The following NFASC variants were observed in gnomAD, a reference collection of about 807,000 sequenced individuals.
The protein encoded by NFASC is neurofascin homolog.
NFASC carries 43 observed loss-of-function variants against 147.5 expected under a neutral mutation model. That is an observed-to-expected ratio of 0.29 (90% CI 0.23 to 0.38). The LOEUF is 0.38. NFASC is among the 10% of genes least tolerant of loss of function. The probability of loss-of-function intolerance (pLI) is 1.00; values close to 1 mark genes in which losing one functional copy is unlikely to be tolerated. For synonymous variants in NFASC, 622 were observed against 665.5 expected, an observed-to-expected ratio of 0.93 and a Z score of 1.01; for missense variants, 1,320 against 1,689.0, an observed-to-expected ratio of 0.78 and a Z score of 3.83.
intron 1 of NFASC, among the ~76,000 whole-genome samples, chr1:204,833,002 T>C (rs1672673624): frequency 6.6e-6 from 1 of 152,252 alleles, no homozygotes; most frequent in Non-Finnish European, 1.5e-5. Context: ...GCATATGGCC[T>C]GGTCCCTGGA....
chr1:204,866,018 T>C (rs1024998099), intron 1 of NFASC, among the ~76,000 whole-genome samples: 1 of 152,220 alleles, frequency 6.6e-6, no homozygotes, highest in African/African-American at 2.4e-5. Flanking sequence ...TCTGGTAGAC[T>C]GCCCTAAAAT....
chr1:204,988,871 C>T (rs2095665238), intron 23 of NFASC, 65 bp downstream of exon 23: 3 of 1,481,776 alleles, frequency 2.0e-6, no homozygotes, highest in East Asian at 2.3e-5. Context: ...TAGAGAAACA[C>T]TGAGATCTGT....
In NFASC at chr1:205,016,274, C is replaced by G. The variant is rs753009104; in HGVS notation, c.3492-34C>G. On this transcript the variant is annotated intron_variant, in intron 29 of 29. Coordinates refer to ENST00000339876, the MANE Select transcript of NFASC (RefSeq NM_001005388.3). This position sits in a 1 kb window ranked among gnomAD's most constrained non-coding sequence, Gnocchi z 5.1. ...GCAGGAGGCCAGCTGCCCCATCTCA[C>G]CCCACCTGAGATTCTCTGTCTCTCT... The G allele has an allele frequency of 1.3e-6, 2 of 1,488,454 alleles. No individual in the cohort carries two copies. Among genetic ancestry groups the G allele is most frequent in the Admixed American group, 3.3e-5 (2 of 59,820 alleles). The allele number at this position is 1,488,454 out of a possible 1,614,324, so 92.2% of individuals were successfully genotyped here. A position where few individuals can be genotyped will look rare whatever the true frequency, so the allele number is the denominator to read the frequency against.
intron 14 of NFASC, 122 bp downstream of exon 14, chr1:204,974,945 G>T: frequency 2.9e-6 from 3 of 1,030,368 alleles, no homozygotes; most frequent in East Asian, 2.5e-5. Flanking sequence ...GGAGTGGGCT[G>T]CCCAGTTTGC....
At chr1:205,008,410 T>TG (rs2096180087) in intron 27 of NFASC, 1 of 152,810 alleles carries the variant, frequency 6.5e-6, no homozygotes, top group African/African-American at 2.4e-5. Flanking sequence ...GGGCTCCTGC[T>TG]GTTGTGTGCC....
intron 20 of NFASC, among the ~76,000 whole-genome samples, chr1:204,981,372 A>G (rs770886489): frequency 6.6e-6 from 1 of 152,292 alleles, no homozygotes; most frequent in African/African-American, 2.4e-5. Flanking sequence ...ACTAAAGTCC[A>G]TTCTGGAATT....
At chr1:204,992,086 A>AG (rs1310907091) in intron 24 of NFASC, among the ~76,000 whole-genome samples, 2 of 152,120 alleles carry the variant, frequency 1.3e-5, no homozygotes, top group African/African-American at 4.8e-5. Flanking sequence ...CATGGGTTTG[A>AG]GGGTCATCAA....
At chr1:204,875,629 T>A (rs1322314986) in intron 1 of NFASC, among the ~76,000 whole-genome samples, 5 of 152,054 alleles carry the variant, frequency 3.3e-5, no homozygotes, top group Admixed American at 2.6e-4. Context: ...TGCTTGGATC[T>A]CCAGGCCCGG....
At chr1:204,871,676 G>C (rs2077736297) in intron 1 of NFASC, among the ~76,000 whole-genome samples, 1 of 152,214 alleles carries the variant, frequency 6.6e-6, no homozygotes, top group African/African-American at 2.4e-5. Flanking sequence ...AGTGAGAATA[G>C]TCCCTTTTGC....
chr1:204,951,555 G>A (rs879550926), intron 4 of NFASC, among the ~76,000 whole-genome samples: 20 of 148,548 alleles, frequency 1.3e-4, no homozygotes, highest in Non-Finnish European at 2.8e-4. Context: ...TGCAAGCTCC[G>A]CTTCCTGGGT....
Position 204,979,297 on chromosome 1 carries a change from T to C in NFASC, c.1979-65T>C, listed in dbSNP as rs974437826. 1 of 1,296,246 alleles carries C rather than the reference T, an allele frequency of 7.7e-7. No individual in the cohort carries two copies. The highest frequency in any genetic ancestry group is 1.1e-6 in the Non-Finnish European group (1 of 891,198). The allele number at this position is 1,296,246 out of a possible 1,614,324, so 80.3% of individuals were successfully genotyped here. A position where few individuals can be genotyped will look rare whatever the true frequency, so the allele number is the denominator to read the frequency against. ...AGATCAATGGAAGCCAAGAAGGAAG[T>C]GCTTTTAAAGAAGACCACTGCTAAC... On this transcript the variant is annotated intron_variant, in intron 18 of 29. Transcript: ENST00000339876. The surrounding 1 kb of genome is among the most constrained non-coding windows in gnomAD (Gnocchi z 6.0).
intron 1 of NFASC, among the ~76,000 whole-genome samples, chr1:204,836,281 G>T (rs1226081405): frequency 2.0e-5 from 3 of 151,878 alleles, no homozygotes; most frequent in Non-Finnish European, 4.4e-5. Flanking sequence ...CTTTTTTGTT[G>T]TTCAAAGGTG....
chr1:204,997,434 C>G, intron 25 of NFASC, 28 bp downstream of exon 25: 3 of 1,551,566 alleles, frequency 1.9e-6, no homozygotes, highest in Non-Finnish European at 2.6e-6. Context: ...TGCTCCCCAT[C>G]CCCTCCTGGC....
At chr1:204,939,052 G>GA (rs1435965188) in intron 2 of NFASC, among the ~76,000 whole-genome samples, 94 of 150,794 alleles carry the variant, frequency 6.2e-4, no homozygotes, top group Admixed American at 9.9e-4. Context: ...GTGTGTGTGT[G>GA]TGTGTGTGTG....
intron 1 of NFASC, among the ~76,000 whole-genome samples, chr1:204,842,042 G>T (rs1675513754): frequency 6.6e-6 from 1 of 152,214 alleles, no homozygotes; most frequent in African/African-American, 2.4e-5. Context: ...ACCTGGAGTA[G>T]ATCTTTATCT....
At chr1:204,930,958 AT>A (rs1483872916) in intron 2 of NFASC, among the ~76,000 whole-genome samples, 6 of 152,126 alleles carry the variant, frequency 3.9e-5, no homozygotes, top group African/African-American at 1.4e-4. Context: ...GAGAAGGCAG[AT>A]TTTATCCCTC....
chr1:204,907,647 T>C (rs936330944), intron 1 of NFASC, among the ~76,000 whole-genome samples: 1 of 152,212 alleles, frequency 6.6e-6, no homozygotes, highest in Admixed American at 6.5e-5. Context: ...TGTTTTGAAC[T>C]TTCCAGAGAG....
chr1:204,830,409 C>T (rs1487856569), intron 1 of NFASC, among the ~76,000 whole-genome samples: 3 of 152,178 alleles, frequency 2.0e-5, no homozygotes, highest in African/African-American at 4.8e-5. Context: ...GATCTATCCT[C>T]CTTCTGGTTT....
intron 1 of NFASC, among the ~76,000 whole-genome samples, chr1:204,842,980 G>T (rs1675808532): frequency 6.6e-6 from 1 of 152,232 alleles, no homozygotes; most frequent in Non-Finnish European, 1.5e-5. Flanking sequence ...GCTGATGTGG[G>T]AGTGGGTCAG....
Sources: gnomAD v4.1 joint callset for allele counts (sites outside exome capture counted in the v4.1 genomes callset) on GRCh38, gnomAD v4.1.1 for gene constraint, Gnocchi (gnomAD v3.1) non-coding constraint, MANE v1.5 for transcripts, NCBI Gene and HGNC (gene_info 2026-07-23, HGNC 2026-07-21) for gene names.